Variants in P3H2 observed in about 807,000 individuals in gnomAD.
P3H2 encodes leprecan-like 1.
In P3H2, 80 loss-of-function variants were observed where a neutral mutation model predicts 87.0. The ratio of observed to expected loss-of-function variants is 0.92; its 90% CI spans 0.77 to 1.11. The LOEUF (loss-of-function observed/expected upper bound fraction) is 1.11, where lower values mean the gene tolerates loss of function less well. P3H2 is among the 50% of genes least tolerant of loss of function. P3H2 has a pLI of 0.00. For missense variants in P3H2, 1,001 were observed against 923.9 expected (o/e 1.08, Z -1.08); for synonymous variants, 367 against 359.3 (o/e 1.02, Z -0.24).
chr3:190,087,007 A>C (rs1008321735), intron 1 of P3H2, among the ~76,000 whole-genome samples: 2 of 152,234 alleles, frequency 1.3e-5, no homozygotes, highest in African/African-American at 2.4e-5. Flanking sequence ...ACATAAGAGC[A>C]GTAGTAATTA....
intron 1 of P3H2, among the ~76,000 whole-genome samples, chr3:190,047,520 A>C (rs2108958773): frequency 6.6e-6 from 1 of 152,342 alleles, no homozygotes; most frequent in South Asian, 2.1e-4. Flanking sequence ...CAGATATCTA[A>C]ACATAAGAGT....
At chr3:189,970,749 T>A in intron 13 of P3H2, 67 bp downstream of exon 13, 2 of 899,826 alleles carry the variant, frequency 2.2e-6, no homozygotes, top group South Asian at 2.6e-5. Context: ...CATCTGTAAG[T>A]ACTTAGAAAA....
intron 13 of P3H2, among the ~76,000 whole-genome samples, chr3:189,966,518 A>ACAT (rs2108905034): frequency 6.6e-6 from 1 of 152,360 alleles, no homozygotes; most frequent in African/African-American, 2.4e-5. Flanking sequence ...CACACAGCGA[A>ACAT]CATCATCTGT....
chr3:190,079,264 C>G (rs1013192334), intron 1 of P3H2, among the ~76,000 whole-genome samples: 23 of 151,694 alleles, frequency 1.5e-4, no homozygotes, highest in African/African-American at 4.8e-4. Flanking sequence ...TCACTTGAAC[C>G]CAGGAGGTGG....
Position 190,120,582 on chromosome 3 carries a change from G to T in P3H2, c.150C>A (p.Ser50Arg). The T allele has an allele frequency of 6.5e-7, 1 of 1,541,802 alleles. No homozygotes were observed. The highest frequency in any genetic ancestry group is 8.7e-7 in the Non-Finnish European group (1 of 1,154,140). ...CTCCGCTGTAGTAGGCGGCCGCGCCGCTGGCGTAGAGCAGGTCGAAGGGCT... is the reference window on the plus strand; with the variant it reads ...CTCCGCTGTAGTAGGCGGCCGCGCCTCTGGCGTAGAGCAGGTCGAAGGGCT... ...PLQPFDLLYA[S>R]GAAAYYSGDY... The change falls in exon 1 of 15, where the codon AGC becomes AGA. Residue 50 changes from serine (S) to arginine (R), a missense_variant. Transcript: ENST00000319332.
intron 1 of P3H2, among the ~76,000 whole-genome samples, chr3:190,069,971 CTTCTTT>C (rs1483023418): frequency 2.7e-5 from 4 of 148,656 alleles, no homozygotes; most frequent in South Asian, 2.1e-4. Context: ...TTTTCTTCTT[CTTCTTT>C]TTAAGTTGTG....
intron 1 of P3H2, among the ~76,000 whole-genome samples, chr3:190,112,989 G>T (rs377006611): frequency 1.3e-5 from 2 of 152,180 alleles, no homozygotes. Flanking sequence ...TTTTCCACCA[G>T]ACAACTGTGA....
chr3:189,985,814 A>G (rs1723678032), intron 6 of P3H2, among the ~76,000 whole-genome samples: 1 of 152,092 alleles, frequency 6.6e-6, no homozygotes, highest in Non-Finnish European at 1.5e-5. Flanking sequence ...AATGTTCAGC[A>G]GAAGAGTTCA....
intron 1 of P3H2, among the ~76,000 whole-genome samples, chr3:190,072,865 T>G (rs1726750530): frequency 6.6e-6 from 1 of 152,246 alleles, no homozygotes; most frequent in South Asian, 2.1e-4. Flanking sequence ...TGTTGAATAC[T>G]GATTTCTGAG....
At chr3:190,047,064 G>C (rs1412193777) in intron 1 of P3H2, among the ~76,000 whole-genome samples, 1 of 151,690 alleles carries the variant, frequency 6.6e-6, no homozygotes, top group East Asian at 1.9e-4. Flanking sequence ...CAAATAATCT[G>C]ATCTAAAAAT....
chr3:189,990,540 T>C (rs1039348326), intron 3 of P3H2, among the ~76,000 whole-genome samples: 2 of 150,892 alleles, frequency 1.3e-5, no homozygotes, highest in African/African-American at 4.9e-5. Flanking sequence ...AAAATAGGAG[T>C]GACAGAAAGG....
Position 189,979,456 on chromosome 3 carries a change from T to A in P3H2, c.1324+3590A>T, listed in dbSNP as rs187262961. ...AATAAAAAAAAAGAAGAACTTTTTA[T>A]GTTTACCATCTTAAAACAGTTACTA... On this transcript the variant is annotated intron_variant, in intron 8 of 14. Coordinates refer to ENST00000319332, the MANE Select transcript of P3H2 (RefSeq NM_018192.4). 1.2e-3 allele frequency among the ~76,000 whole-genome samples: 177 copies of A among 152,106 alleles called. 3 individuals carry two copies. Among genetic ancestry groups the A allele is most frequent in the Non-Finnish European group, 2.5e-4 (17 of 67,972 alleles).
At chr3:190,018,432 G>A (rs956689892) in intron 1 of P3H2, among the ~76,000 whole-genome samples, 2 of 152,176 alleles carry the variant, frequency 1.3e-5, no homozygotes, top group East Asian at 1.9e-4. Context: ...AGTAGGCCAG[G>A]TGTAGTGGCT....
At chr3:190,091,009 G>T (rs1307313155) in intron 1 of P3H2, among the ~76,000 whole-genome samples, 2 of 151,996 alleles carry the variant, frequency 1.3e-5, no homozygotes, top group Non-Finnish European at 2.9e-5. Context: ...AACAAATAAG[G>T]TATGACTGTG....
chr3:189,982,649 T>C (rs1281983849), intron 8 of P3H2, among the ~76,000 whole-genome samples: 1 of 152,176 alleles, frequency 6.6e-6, no homozygotes, highest in Non-Finnish European at 1.5e-5. Context: ...TAATATCCCA[T>C]GTGGCTGGTC....
intron 1 of P3H2, among the ~76,000 whole-genome samples, chr3:190,065,821 C>G (rs1027055893): frequency 6.6e-6 from 1 of 152,046 alleles, no homozygotes; most frequent in Non-Finnish European, 1.5e-5. Context: ...TTATGAAACA[C>G]TTTTTGATGT....
In P3H2 at chr3:189,994,095, T is replaced by G. The variant is rs141558706; in HGVS notation, c.822A>C (p.Ala274=). Residue 274 remains alanine (A), a splice_region_variant and synonymous_variant, in exon 3 of 15, where the codon GCA becomes GCC. Transcript: ENST00000319332. ...TAAAATGAAAAATTAAGCTTTTACC[T>G]GCAATAGCTTCATACAGACCAGCCT... The part of the protein sequence containing the change: ...GYKAGLYEAI[A]DHYMQVLVCQ... 30 of 1,605,748 alleles carry G rather than the reference T, an allele frequency of 1.9e-5. No individual in the cohort carries two copies. Among genetic ancestry groups the G allele is most frequent in the Non-Finnish European group, 1.7e-5 (20 of 1,173,828 alleles).
intron 1 of P3H2, among the ~76,000 whole-genome samples, chr3:190,106,173 G>T (rs138595951): frequency 6.6e-6 from 1 of 152,244 alleles, no homozygotes; most frequent in East Asian, 1.9e-4. Context: ...AAAATACAAA[G>T]AAGAGGACAC....
chr3:189,994,779 A>G (rs932219130), intron 2 of P3H2, among the ~76,000 whole-genome samples: 1 of 151,834 alleles, frequency 6.6e-6, no homozygotes, highest in South Asian at 2.1e-4. Context: ...GGCTTTCAAC[A>G]TGTGATTTCA....
Sources: allele counts gnomAD v4.1 joint callset (sites outside exome capture counted in the v4.1 genomes callset), GRCh38; gene constraint gnomAD v4.1.1; transcripts MANE v1.5; gene names NCBI Gene and HGNC (gene_info 2026-07-23, HGNC 2026-07-21).